SNX9: variants seen among roughly 807,000 people sequenced by gnomAD.
SNX9 encodes the protein sorting nexin 9.
In SNX9, 44 loss-of-function variants were observed where a neutral mutation model predicts 89.4. The ratio of observed to expected loss-of-function variants is 0.49; its 90% CI spans 0.39 to 0.63. The LOEUF is 0.63. Ranked by LOEUF, SNX9 falls within the 30% of genes least tolerant of loss-of-function variation. The probability of loss-of-function intolerance (pLI) is 0.00; values close to 1 mark genes in which losing one functional copy is unlikely to be tolerated. For synonymous variants in SNX9, 236 were observed against 247.8 expected (o/e 0.95, Z 0.45); for missense variants, 578 against 736.1 (o/e 0.79, Z 2.49).
chr6:157,874,964 C>G, intron 3 of SNX9, 87 bp from the exon 4 acceptor site: 1 of 1,442,830 alleles, frequency 6.9e-7, no homozygotes, highest in South Asian at 1.5e-5. Context: ...GAATATAAAC[C>G]CTTTTTGACA....
chr6:157,896,806 T>C lies in SNX9; in HGVS notation c.301-21T>C, dbSNP rs200597616. On this transcript the variant is annotated intron_variant, in intron 4 of 17. Transcript: ENST00000392185. Reference sequence around the variant, plus strand: ...TTCCAAAAGTCACAAAAATTCTCCTTCTTTTTACCCCTCTCAATAGGTTGG... The same window carrying C: ...TTCCAAAAGTCACAAAAATTCTCCTCCTTTTTACCCCTCTCAATAGGTTGG... 76 of 1,611,904 alleles carry C rather than the reference T, an allele frequency of 4.7e-5. No individual in the cohort carries two copies. In the East Asian group the frequency reaches 9.1e-4, roughly 19 times the overall value.
chr6:157,896,424 T>C (rs1362695775), intron 4 of SNX9, among the ~76,000 whole-genome samples: 1 of 152,184 alleles, frequency 6.6e-6, no homozygotes, highest in Non-Finnish European at 1.5e-5. Context: ...TTAGGTCAAT[T>C]TTAAAAATAT....
chr6:157,884,493 C>T (rs535746690), intron 4 of SNX9, among the ~76,000 whole-genome samples: 24 of 152,174 alleles, frequency 1.6e-4, no homozygotes, highest in Non-Finnish European at 3.4e-4. Flanking sequence ...CATTAACTCA[C>T]ATAAGTCTTA....
Position 157,823,418 on chromosome 6 carries a change from C to CGGGACGG in SNX9, c.-14_-13insACGGGGG, listed in dbSNP as rs960240156. 2.4e-6 allele frequency: 3 copies of CGGGACGG among 1,248,440 alleles called. No homozygotes were observed. The African/African-American group carries it at 4.8e-5, about 20-fold the overall frequency. The allele number at this position is 1,248,440 out of a possible 1,614,324, so 77.3% of individuals were successfully genotyped here. A position where few individuals can be genotyped will look rare whatever the true frequency, so the allele number is the denominator to read the frequency against. Reference sequence around the variant, plus strand: ...GGGAGACGAGCCGGCCGTCCCGGGCCGGGGGACCCGCCCGCCATGGCCACC... The same window carrying CGGGACGG: ...GGGAGACGAGCCGGCCGTCCCGGGCCGGGACGGGGGGGACCCGCCCGCCATGGCCACC... On this transcript the variant is annotated 5_prime_UTR_variant, in exon 1 of 18. Coordinates refer to ENST00000392185, the MANE Select transcript of SNX9 (RefSeq NM_016224.5). The surrounding 1 kb of genome is among the most constrained non-coding windows in gnomAD (Gnocchi z 4.6).
intron 4 of SNX9, among the ~76,000 whole-genome samples, chr6:157,887,452 GCTCT>G (rs994990773): frequency 6.6e-6 from 1 of 152,090 alleles, no homozygotes; most frequent in Non-Finnish European, 1.5e-5. Flanking sequence ...AGTCTCCAGA[GCTCT>G]CTCTCTGCGT....
intron 17 of SNX9, among the ~76,000 whole-genome samples, chr6:157,941,592 G>A (rs1490195953): frequency 6.6e-6 from 1 of 152,228 alleles, no homozygotes; most frequent in African/African-American, 2.4e-5. Context: ...GGTAAGGTCT[G>A]TAATGTAGAA....
chr6:157,915,170 T>C (rs9458851), intron 9 of SNX9, among the ~76,000 whole-genome samples: 39,069 of 152,068 alleles, frequency 0.26, 5,414 homozygotes, highest in African/African-American at 0.35. Flanking sequence ...TCCTTTTCGC[T>C]AGTCCTACAC....
At chr6:157,829,537 C>G (rs1380581776) in intron 1 of SNX9, 1 of 152,146 alleles carries the variant, frequency 6.6e-6, no homozygotes, top group Non-Finnish European at 1.5e-5. Flanking sequence ...TATGTATATC[C>G]TTACTAATTG....
At chr6:157,888,720 T>G (rs917573416) in intron 4 of SNX9, among the ~76,000 whole-genome samples, 6 of 152,180 alleles carry the variant, frequency 3.9e-5, no homozygotes, top group Admixed American at 2.0e-4. Context: ...AAAAGTCATC[T>G]TTTTTTCCCA....
intron 1 of SNX9, among the ~76,000 whole-genome samples, chr6:157,853,859 T>C (rs1781959275): frequency 1.3e-5 from 2 of 152,256 alleles, no homozygotes; most frequent in Non-Finnish European, 1.5e-5. Context: ...GTCCCTATTC[T>C]ATGGGCTTTA....
chr6:157,898,816 C>T (rs1203769149), intron 5 of SNX9, among the ~76,000 whole-genome samples: 1 of 152,184 alleles, frequency 6.6e-6, no homozygotes, highest in Non-Finnish European at 1.5e-5. Flanking sequence ...AAGCCCAAAG[C>T]AGGGTGCAGG....
intron 10 of SNX9, among the ~76,000 whole-genome samples, chr6:157,925,386 C>T (rs535905227): frequency 5.9e-5 from 9 of 152,094 alleles, no homozygotes; most frequent in South Asian, 2.1e-4. Flanking sequence ...GGATTCATAA[C>T]GTGTTGGGGG....
chr6:157,876,466 A>G (rs1782524425), intron 4 of SNX9, among the ~76,000 whole-genome samples: 1 of 152,170 alleles, frequency 6.6e-6, no homozygotes, highest in South Asian at 2.1e-4. Context: ...ATATCTGTCA[A>G]TTGACCTTCC....
chr6:157,937,632 A>G, intron 15 of SNX9, 109 bp downstream of exon 15: 2 of 726,258 alleles, frequency 2.8e-6, no homozygotes, highest in East Asian at 2.8e-5. Flanking sequence ...GAAACAATCT[A>G]TAATTCCCAT....
chr6:157,900,676 T>C (rs987790477), intron 5 of SNX9, among the ~76,000 whole-genome samples: 8 of 152,166 alleles, frequency 5.3e-5, no homozygotes, highest in Admixed American at 5.2e-4. Flanking sequence ...AGTAATTCTT[T>C]AACATAACAT....
rs756247022 is a variant in SNX9, at chr6:157,927,223, C to T, written c.1184+9C>T. On this transcript the variant is annotated intron_variant, in intron 11 of 17. Coordinates refer to ENST00000392185, the MANE Select transcript of SNX9 (RefSeq NM_016224.5). ...TTGGACTTAGTAGAAATGTGAGAGACGCTGCCAGGTTTTCTTTCTTCTCAA... is the reference window on the plus strand; with the variant it reads ...TTGGACTTAGTAGAAATGTGAGAGATGCTGCCAGGTTTTCTTTCTTCTCAA... 8.8e-6 allele frequency: 14 copies of T among 1,587,992 alleles called. No homozygotes were observed. The highest frequency in any genetic ancestry group is 4.5e-5 in the East Asian group (2 of 44,744).
intron 1 of SNX9, among the ~76,000 whole-genome samples, chr6:157,859,100 G>A (rs1782069047): frequency 6.6e-6 from 1 of 152,016 alleles, no homozygotes; most frequent in Non-Finnish European, 1.5e-5. Flanking sequence ...CGCCATTACT[G>A]TACATGATGT....
At chr6:157,910,465 A>T (rs970032121) in intron 9 of SNX9, among the ~76,000 whole-genome samples, 1 of 152,250 alleles carries the variant, frequency 6.6e-6, no homozygotes, top group Non-Finnish European at 1.5e-5. Context: ...TGAGCACTGG[A>T]CAGAGAAGCC....
intron 9 of SNX9, among the ~76,000 whole-genome samples, chr6:157,921,035 A>T (rs1377138566): frequency 6.6e-6 from 1 of 152,216 alleles, no homozygotes; most frequent in Non-Finnish European, 1.5e-5. Context: ...GTATAGATGT[A>T]ATTTATATTG....
Sources: gnomAD v4.1 joint callset for allele counts (sites outside exome capture counted in the v4.1 genomes callset) on GRCh38, gnomAD v4.1.1 for gene constraint, Gnocchi (gnomAD v3.1) non-coding constraint, MANE v1.5 for transcripts, NCBI Gene and HGNC (gene_info 2026-07-23, HGNC 2026-07-21) for gene names.